Variants in CA8 observed in about 807,000 individuals in gnomAD.
CA8 encodes carbonic anhydrase-related protein.
A neutral mutation model predicts 41.4 loss-of-function variants in CA8; 22 were observed. That is an observed-to-expected ratio of 0.53 (90% CI 0.38 to 0.76). The LOEUF is 0.76. Ranked by LOEUF, CA8 falls within the 30% of genes least tolerant of loss-of-function variation. The pLI, the probability that CA8 is intolerant of heterozygous loss-of-function variation, is 0.00. For synonymous variants in CA8, 121 were observed against 130.6 expected (o/e 0.93, Z 0.50); for missense variants, 270 against 352.8 (o/e 0.77, Z 1.88).
At chr8:60,200,363 G>A (rs1430867145) in intron 8 of CA8, among the ~76,000 whole-genome samples, 1 of 152,166 alleles carries the variant, frequency 6.6e-6, no homozygotes, top group Non-Finnish European at 1.5e-5. Context: ...CCCCCAATAA[G>A]GGGGTCTGGG....
chr8:60,219,641 C>A (rs947840780), intron 7 of CA8, among the ~76,000 whole-genome samples: 1 of 152,090 alleles, frequency 6.6e-6, no homozygotes, highest in Non-Finnish European at 1.5e-5. Flanking sequence ...CTGACAAGGC[C>A]TCATGTAGAA....
intron 2 of CA8, among the ~76,000 whole-genome samples, chr8:60,267,947 AAAC>A (rs1409358697): frequency 6.6e-6 from 1 of 152,192 alleles, no homozygotes; most frequent in Non-Finnish European, 1.5e-5. Flanking sequence ...AAACGTTTCT[AAAC>A]AACCTCACAA....
intron 8 of CA8, among the ~76,000 whole-genome samples, chr8:60,195,144 C>T (rs1806245319): frequency 6.6e-6 from 1 of 152,174 alleles, no homozygotes; most frequent in Non-Finnish European, 1.5e-5. Flanking sequence ...AGGAAGCTTA[C>T]TCATAAAGAG....
chr8:60,256,399 C>T (rs1040586322), intron 3 of CA8, among the ~76,000 whole-genome samples: 14 of 152,090 alleles, frequency 9.2e-5, no homozygotes, highest in Admixed American at 7.2e-4. Context: ...CCTAGGGAAC[C>T]ATGTCAGAAA....
At chr8:60,231,318 T>A (rs941891150) in intron 4 of CA8, among the ~76,000 whole-genome samples, 2 of 152,186 alleles carry the variant, frequency 1.3e-5, no homozygotes, top group Admixed American at 6.5e-5. Flanking sequence ...GTGTCATATT[T>A]GCAAGATGCT....
At chr8:60,224,459 G>A in intron 6 of CA8, 78 bp downstream of exon 6, 1 of 874,362 alleles carries the variant, frequency 1.1e-6, no homozygotes, top group Non-Finnish European at 1.9e-6. Context: ...ACAATATATA[G>A]TTTTACATAG....
chr8:60,228,428 C>T (rs1314989599), intron 4 of CA8, among the ~76,000 whole-genome samples: 1 of 152,180 alleles, frequency 6.6e-6, no homozygotes, highest in African/African-American at 2.4e-5. Context: ...TACGTCTGCA[C>T]TTGGGGTCTG....
chr8:60,238,663 C>A (rs1251482614), intron 3 of CA8, among the ~76,000 whole-genome samples: 1 of 152,162 alleles, frequency 6.6e-6, no homozygotes, highest in African/African-American at 2.4e-5. Flanking sequence ...CTCTTTTTAA[C>A]ACAACTTTCA....
chr8:60,239,551 G>A (rs1024026522), intron 3 of CA8, among the ~76,000 whole-genome samples: 1 of 152,116 alleles, frequency 6.6e-6, no homozygotes, highest in African/African-American at 2.4e-5. Flanking sequence ...ATTTGTGTTG[G>A]GCCATATTCA....
chr8:60,244,020 G>A (rs28368823), intron 3 of CA8, among the ~76,000 whole-genome samples: 1,938 of 152,170 alleles, frequency 0.013, 19 homozygotes, highest in Non-Finnish European at 0.021. Context: ...TATCTCCAGT[G>A]GGATATTTTA....
intron 8 of CA8, among the ~76,000 whole-genome samples, chr8:60,191,576 CA>C (rs1451999039): frequency 6.6e-6 from 1 of 152,050 alleles, no homozygotes; most frequent in East Asian, 1.9e-4. Context: ...TGCAAATCTC[CA>C]AAAGGAGGAT....
intron 8 of CA8, among the ~76,000 whole-genome samples, chr8:60,206,204 C>G (rs1010881657): frequency 2.0e-5 from 3 of 152,128 alleles, no homozygotes; most frequent in African/African-American, 7.2e-5. Flanking sequence ...AGTAAGAACA[C>G]AAATATATCT....
intron 5 of CA8, among the ~76,000 whole-genome samples, chr8:60,225,863 C>T (rs1051718519): frequency 6.6e-6 from 1 of 152,198 alleles, no homozygotes; most frequent in South Asian, 2.1e-4. Context: ...GTGGCTCACG[C>T]CTGTAATCCC....
chr8:60,254,576 T>C (rs1453011939), intron 3 of CA8, among the ~76,000 whole-genome samples: 1 of 152,252 alleles, frequency 6.6e-6, no homozygotes, highest in Non-Finnish European at 1.5e-5. Context: ...ATAAGTGATA[T>C]TTGTTTTTAA....
intron 4 of CA8, 21 bp downstream of exon 4, chr8:60,232,263 T>A: frequency 6.4e-7 from 1 of 1,569,954 alleles, no homozygotes; most frequent in East Asian, 2.2e-5. Context: ...AACAATACGA[T>A]AATCACAGCA....
At chr8:60,258,432 C>T (rs1803620587) in intron 3 of CA8, among the ~76,000 whole-genome samples, 1 of 152,122 alleles carries the variant, frequency 6.6e-6, no homozygotes, top group South Asian at 2.1e-4. Flanking sequence ...AATGTATCCT[C>T]CACAGTTAAG....
chr8:60,264,047 A>C (rs1339896146), intron 3 of CA8, among the ~76,000 whole-genome samples: 1 of 152,224 alleles, frequency 6.6e-6, no homozygotes, highest in African/African-American at 2.4e-5. Context: ...GCAGAAACAA[A>C]GCCTCACTAC....
At chr8:60,215,160 T>C (rs891690305) in intron 7 of CA8, among the ~76,000 whole-genome samples, 2 of 152,208 alleles carry the variant, frequency 1.3e-5, no homozygotes, top group Non-Finnish European at 2.9e-5. Flanking sequence ...GAAATCAGAA[T>C]ATGTCTTAAA....
chr8:60,249,194 G>C (rs568068408), intron 3 of CA8, among the ~76,000 whole-genome samples: 2 of 152,202 alleles, frequency 1.3e-5, no homozygotes, highest in East Asian at 3.9e-4. Flanking sequence ...AGGTAACGTA[G>C]CCATCTGGCA....
Sources: allele counts gnomAD v4.1 joint callset (sites outside exome capture counted in the v4.1 genomes callset), GRCh38; gene constraint gnomAD v4.1.1; transcripts MANE v1.5; gene names NCBI Gene and HGNC (gene_info 2026-07-23, HGNC 2026-07-21).